The following XKR6 variants were observed in gnomAD, a reference collection of about 807,000 sequenced individuals.
XKR6 encodes XK related 6.
In XKR6, 22 loss-of-function variants were observed where a neutral mutation model predicts 56.7. The observed-to-expected ratio is 0.39, with a 90% CI of 0.28 to 0.55. XKR6 has a LOEUF of 0.55. Ranked by LOEUF, XKR6 falls within the 20% of genes least tolerant of loss-of-function variation. XKR6 has a pLI of 0.66. For missense variants in XKR6, 852 were observed against 889.0 expected (o/e 0.96, Z 0.53); for synonymous variants, 524 against 387.8 (o/e 1.35, Z -4.13).
chr8:10,972,806 G>C (rs538337410), intron 1 of XKR6, among the ~76,000 whole-genome samples: 20 of 152,220 alleles, frequency 1.3e-4, no homozygotes, highest in African/African-American at 4.8e-4. Context: ...TTACACAACA[G>C]TGTAGATGTA....
At position 10,897,999 on chromosome 8, in the gene XKR6, C is replaced by G; in HGVS notation, c.1879G>C (p.Asp627His). ...TPTAVGIRYR[D>H]GPLLYELLQY... ...AGCAACTCATAGAGGAGTGGTCCGT[C>G]TCGATATCGAATGCCTACTGCGGTG... is the stretch of plus-strand genomic sequence containing the variant. The change falls in exon 3 of 3, where the codon GAC (aspartate) becomes CAC (histidine). Residue 627 changes from aspartate to histidine, a missense_variant. Transcript: ENST00000416569. 1 of 1,610,676 alleles carries G rather than the reference C, an allele frequency of 6.2e-7. No individual in the cohort carries two copies. The highest frequency in any genetic ancestry group is 8.5e-7 in the Non-Finnish European group (1 of 1,178,688).
At chr8:11,037,221 A>C (rs149492053) in intron 1 of XKR6, among the ~76,000 whole-genome samples, 182 of 152,264 alleles carry the variant, frequency 1.2e-3, no homozygotes, top group African/African-American at 4.2e-3. Context: ...GTTGATCAAG[A>C]ATTTTAATAC....
chr8:10,958,304 T>A (rs551830289), intron 1 of XKR6, among the ~76,000 whole-genome samples: 1 of 152,240 alleles, frequency 6.6e-6, no homozygotes, highest in Non-Finnish European at 1.5e-5. Context: ...GCCTGAGTGC[T>A]GGGGCTTGGG....
chr8:11,050,534 G>A (rs1045456885), intron 1 of XKR6, among the ~76,000 whole-genome samples: 5 of 147,724 alleles, frequency 3.4e-5, no homozygotes, highest in African/African-American at 5.1e-5. Flanking sequence ...GGAGAAAAGA[G>A]AGGGAAACAG....
At chr8:11,091,231 G>C (rs933392307) in intron 1 of XKR6, among the ~76,000 whole-genome samples, 1 of 152,118 alleles carries the variant, frequency 6.6e-6, no homozygotes, top group Non-Finnish European at 1.5e-5. Context: ...AGAAGTTTGA[G>C]ACAAGCCTGG....
intron 1 of XKR6, among the ~76,000 whole-genome samples, chr8:11,141,429 G>T (rs1563168825): frequency 6.6e-6 from 1 of 152,148 alleles, no homozygotes; most frequent in African/African-American, 2.4e-5. Flanking sequence ...CTTAACTAAG[G>T]CACCATGTGA....
At chr8:11,146,752 A>G (rs570898345) in intron 1 of XKR6, among the ~76,000 whole-genome samples, 64 of 152,334 alleles carry the variant, frequency 4.2e-4, no homozygotes, top group African/African-American at 1.5e-3. Flanking sequence ...ACAAATAAAG[A>G]AAGTGTGGTA....
intron 1 of XKR6, among the ~76,000 whole-genome samples, chr8:10,938,672 GT>G (rs1472323534): frequency 1.3e-5 from 2 of 152,174 alleles, no homozygotes; most frequent in African/African-American, 4.8e-5. Flanking sequence ...CAGATTGGTA[GT>G]TCCCAGGGAG....
chr8:11,170,074 A>C (rs1348640609), intron 1 of XKR6, among the ~76,000 whole-genome samples: 1 of 151,848 alleles, frequency 6.6e-6, no homozygotes, highest in Non-Finnish European at 1.5e-5. Context: ...GTTTCTGGTT[A>C]TTAGATAATG....
chr8:11,031,872 T>A (rs1305959043), intron 1 of XKR6, among the ~76,000 whole-genome samples: 2 of 152,330 alleles, frequency 1.3e-5, no homozygotes, highest in East Asian at 3.9e-4. Flanking sequence ...TATTTTTGCA[T>A]CCCAAAGCAC....
chr8:10,915,388 A>G (rs1457482911), intron 2 of XKR6, among the ~76,000 whole-genome samples: 2 of 152,226 alleles, frequency 1.3e-5, no homozygotes, highest in African/African-American at 4.8e-5. Flanking sequence ...TGGCTGAGGA[A>G]GCCTGCGCTC....
chr8:10,953,737 G>C (rs1801797166), intron 1 of XKR6, among the ~76,000 whole-genome samples: 1 of 152,150 alleles, frequency 6.6e-6, no homozygotes, highest in Non-Finnish European at 1.5e-5. Context: ...ACAGAGTTGT[G>C]CAACCATCGC....
At chr8:11,055,154 G>A (rs1370682218) in intron 1 of XKR6, among the ~76,000 whole-genome samples, 1 of 152,212 alleles carries the variant, frequency 6.6e-6, no homozygotes, top group African/African-American at 2.4e-5. Context: ...CTACTACCCT[G>A]GAGTTTTCCA....
chr8:11,193,646 C>G (rs533033991), intron 1 of XKR6, among the ~76,000 whole-genome samples: 1 of 151,042 alleles, frequency 6.6e-6, no homozygotes, highest in South Asian at 2.1e-4. Context: ...GATGGTATCA[C>G]TAAAAAAATT....
At chr8:11,111,062 G>C (rs1445077655) in intron 1 of XKR6, among the ~76,000 whole-genome samples, 3 of 143,234 alleles carry the variant, frequency 2.1e-5, no homozygotes, top group Non-Finnish European at 3.0e-5. Context: ...CACTGTGTTA[G>C]CCAGGATGGT....
At chr8:11,150,852 CAAAAAAAA>C (rs546547767) in intron 1 of XKR6, among the ~76,000 whole-genome samples, 1 of 90,310 alleles carries the variant, frequency 1.1e-5, no homozygotes, top group African/African-American at 5.3e-5. Flanking sequence ...GACTCCATCT[CAAAAAAAA>C]AAAAAAAAAA....
chr8:11,127,347 A>T (rs1037291577), intron 1 of XKR6, among the ~76,000 whole-genome samples: 2 of 152,268 alleles, frequency 1.3e-5, no homozygotes, highest in African/African-American at 4.8e-5. Context: ...CCACATAATA[A>T]GTTACCCATC....
intron 2 of XKR6, 86 bp downstream of exon 2, chr8:10,924,548 G>T (rs1800819756): frequency 6.7e-7 from 1 of 1,492,956 alleles, no homozygotes. Context: ...CACAGAGCGT[G>T]CCAGGCACGA....
At chr8:10,918,321 G>A (rs2129114601) in intron 2 of XKR6, among the ~76,000 whole-genome samples, 1 of 152,356 alleles carries the variant, frequency 6.6e-6, no homozygotes, top group South Asian at 2.1e-4. Context: ...GGCTCTGGAA[G>A]ACTCAGGACA....
Sources: allele counts gnomAD v4.1 joint callset (sites outside exome capture counted in the v4.1 genomes callset), GRCh38; gene constraint gnomAD v4.1.1; transcripts MANE v1.5; gene names NCBI Gene and HGNC (gene_info 2026-07-23, HGNC 2026-07-21).